Variants in B3GALT1 observed in about 807,000 individuals in gnomAD.
B3GALT1 encodes beta-1,3-galactosyltransferase 1, also known as UDP-Gal:betaGlcNAc beta 1,3-galactosyltransferase, polypeptide 1.
A neutral mutation model predicts 23.2 loss-of-function variants in B3GALT1; 10 were observed. The ratio of observed to expected loss-of-function variants is 0.43; its 90% CI spans 0.27 to 0.73. B3GALT1 has a LOEUF of 0.73. Among genes scored for constraint, B3GALT1 ranks in the 30% least tolerant of loss-of-function variants. The pLI is 0.21. For missense variants in B3GALT1, 299 were observed against 405.4 expected (o/e 0.74, Z 2.25); for synonymous variants, 156 against 141.5 (o/e 1.10, Z -0.73).
Position 167,388,042 on chromosome 2 carries a change from A to G in B3GALT1, c.-511+94708A>G, listed in dbSNP as rs541087242. Among the ~76,000 whole-genome samples, 11 of 152,304 alleles carry G rather than the reference A, an allele frequency of 7.2e-5. No homozygotes were observed. In the East Asian group the frequency reaches 2.1e-3, roughly 29 times the overall value. ...TGAATGTTTTTGAATAGCGGGTGGC[A>G]TTGGGCAGAGAGATAGCTTTCCTGT... is the stretch of plus-strand genomic sequence containing the variant. On this transcript the variant is annotated intron_variant, in intron 1 of 4. Transcript: ENST00000392690.
intron 1 of B3GALT1, among the ~76,000 whole-genome samples, chr2:167,484,764 T>G (rs1327456650): frequency 6.6e-6 from 1 of 152,180 alleles, no homozygotes; most frequent in Non-Finnish European, 1.5e-5. Flanking sequence ...AGCTAATCTC[T>G]TCAGGCTCAG....
chr2:167,428,597 GA>G (rs1229476758), intron 1 of B3GALT1, among the ~76,000 whole-genome samples: 2 of 152,174 alleles, frequency 1.3e-5, no homozygotes, highest in African/African-American at 4.8e-5. Flanking sequence ...AGAATAGCTT[GA>G]ACCTGGGAGG....
chr2:167,748,542 G>A (rs1687685415), intron 3 of B3GALT1, among the ~76,000 whole-genome samples: 1 of 152,130 alleles, frequency 6.6e-6, no homozygotes, highest in Admixed American at 6.6e-5. Context: ...CAGTCCTGTA[G>A]GGACTTTTGA....
chr2:167,353,430 G>C (rs922244842), intron 1 of B3GALT1, among the ~76,000 whole-genome samples: 1 of 151,808 alleles, frequency 6.6e-6, no homozygotes, highest in Non-Finnish European at 1.5e-5. Flanking sequence ...AACCTTAGTG[G>C]TATTTTTTTT....
At chr2:167,634,829 G>C (rs1196193512) in intron 2 of B3GALT1, among the ~76,000 whole-genome samples, 1 of 152,044 alleles carries the variant, frequency 6.6e-6, no homozygotes, top group Non-Finnish European at 1.5e-5. Context: ...AGTAAAAGAG[G>C]GAATCCTCCC....
chr2:167,444,452 C>A (rs1424074694), intron 1 of B3GALT1, among the ~76,000 whole-genome samples: 2 of 152,198 alleles, frequency 1.3e-5, no homozygotes, highest in Non-Finnish European at 2.9e-5. Flanking sequence ...GTACCAGCTC[C>A]TCCTTGTACC....
chr2:167,302,711 A>C (rs1292669229), intron 1 of B3GALT1, among the ~76,000 whole-genome samples: 1 of 152,170 alleles, frequency 6.6e-6, no homozygotes, highest in Non-Finnish European at 1.5e-5. Context: ...CCTAATTTGT[A>C]TTAACTCAAG....
At chr2:167,723,264 A>G (rs1687260745) in intron 3 of B3GALT1, among the ~76,000 whole-genome samples, 1 of 152,240 alleles carries the variant, frequency 6.6e-6, no homozygotes, top group Non-Finnish European at 1.5e-5. Flanking sequence ...TTACATTGGA[A>G]TGAATGTTAG....
chr2:167,847,339 T>A (rs748736398), intron 4 of B3GALT1, among the ~76,000 whole-genome samples: 6 of 152,162 alleles, frequency 3.9e-5, no homozygotes, highest in Non-Finnish European at 8.8e-5. Flanking sequence ...TGATAGGCCA[T>A]ACAACAAGTC....
intron 2 of B3GALT1, among the ~76,000 whole-genome samples, chr2:167,589,018 C>T (rs1179477714): frequency 6.6e-6 from 1 of 151,926 alleles, no homozygotes; most frequent in Non-Finnish European, 1.5e-5. Flanking sequence ...TCACAGTTCA[C>T]TGCAGCCTCA....
intron 3 of B3GALT1, among the ~76,000 whole-genome samples, chr2:167,710,029 A>G (rs914446697): frequency 2.6e-5 from 4 of 152,140 alleles, no homozygotes; most frequent in Non-Finnish European, 5.9e-5. Context: ...GTGACCCAGC[A>G]CACTGGGTAC....
chr2:167,341,927 T>C (rs528749549), intron 1 of B3GALT1, among the ~76,000 whole-genome samples: 1 of 152,328 alleles, frequency 6.6e-6, no homozygotes, highest in Admixed American at 6.5e-5. Context: ...CCTTATTACA[T>C]TCTTAGTGAA....
chr2:167,664,335 ACC>A (rs1686131888), intron 3 of B3GALT1, among the ~76,000 whole-genome samples: 1 of 151,474 alleles, frequency 6.6e-6, no homozygotes, highest in Non-Finnish European at 1.5e-5. Flanking sequence ...CTGTTTTGGT[ACC>A]AGTACCATGC....
At chr2:167,622,476 C>T (rs1270562286) in intron 2 of B3GALT1, among the ~76,000 whole-genome samples, 1 of 152,000 alleles carries the variant, frequency 6.6e-6, no homozygotes, top group Non-Finnish European at 1.5e-5. Context: ...ATGATGCCAC[C>T]ATCTAATGAC....
intron 3 of B3GALT1, among the ~76,000 whole-genome samples, chr2:167,709,092 G>C (rs1687012729): frequency 6.6e-6 from 1 of 152,176 alleles, no homozygotes; most frequent in South Asian, 2.1e-4. Context: ...CTGTGACCAA[G>C]AGACCAAAAA....
chr2:167,296,814 T>A (rs1281282866), intron 1 of B3GALT1, among the ~76,000 whole-genome samples: 4 of 152,154 alleles, frequency 2.6e-5, no homozygotes, highest in African/African-American at 9.7e-5. Flanking sequence ...CCTTTTGCAG[T>A]TTATATTCTA....
At chr2:167,452,466 C>T (rs1244655650) in intron 1 of B3GALT1, among the ~76,000 whole-genome samples, 1 of 152,200 alleles carries the variant, frequency 6.6e-6, no homozygotes, top group African/African-American at 2.4e-5. Flanking sequence ...TCTGAACCTT[C>T]AGGTTCCCCA....
chr2:167,776,035 A>G (rs1574256768), intron 3 of B3GALT1, among the ~76,000 whole-genome samples: 1 of 102,916 alleles, frequency 9.7e-6, no homozygotes, highest in East Asian at 3.1e-4. Flanking sequence ...TAATTATGCA[A>G]CTGTGCACAC....
At chr2:167,772,270 C>T (rs569127335) in intron 3 of B3GALT1, among the ~76,000 whole-genome samples, 6 of 152,208 alleles carry the variant, frequency 3.9e-5, no homozygotes, top group East Asian at 3.9e-4. Context: ...AAAGTCACAA[C>T]GATATTTTCC....
Sources: allele counts gnomAD v4.1 joint callset (sites outside exome capture counted in the v4.1 genomes callset), GRCh38; gene constraint gnomAD v4.1.1; transcripts MANE v1.5; gene names NCBI Gene and HGNC (gene_info 2026-07-23, HGNC 2026-07-21).